CDKL4: variants seen among roughly 807,000 people sequenced by gnomAD.
CDKL4 encodes the protein cyclin dependent kinase like 4.
A neutral mutation model predicts 42.0 loss-of-function variants in CDKL4; 44 were observed. The ratio of observed to expected loss-of-function variants is 1.05; its 90% CI spans 0.82 to 1.35. CDKL4 has a LOEUF of 1.35. Among genes scored for constraint, CDKL4 ranks in the 40% most tolerant of loss-of-function variants. The pLI is 0.00. For synonymous variants in CDKL4, 120 were observed against 121.6 expected, an observed-to-expected ratio of 0.99 and a Z score of 0.09; for missense variants, 393 against 369.9, an observed-to-expected ratio of 1.06 and a Z score of -0.51.
rs190794244 is a variant in CDKL4, at chr2:39,216,867, T to A, written c.291-3395A>T. On this transcript the variant is annotated intron_variant, in intron 3 of 9. Transcript: ENST00000451199. Reference sequence around the variant, plus strand: ...TTCATAGGAAAGTAATTTCATAGGATGTTAAAGATGACTTTAACATGAAAG... The same window carrying A: ...TTCATAGGAAAGTAATTTCATAGGAAGTTAAAGATGACTTTAACATGAAAG... Among the ~76,000 whole-genome samples, 3 of 152,312 alleles carry A rather than the reference T, an allele frequency of 2.0e-5. No individual in the cohort carries two copies. The East Asian group carries it at 5.8e-4, about 29-fold the overall frequency.
chr2:39,191,693 G>A (rs1189979748), intron 5 of CDKL4, among the ~76,000 whole-genome samples: 1 of 152,212 alleles, frequency 6.6e-6, no homozygotes, highest in African/African-American at 2.4e-5. Flanking sequence ...TGTGATATGT[G>A]ATAGACAGAT....
intron 5 of CDKL4, among the ~76,000 whole-genome samples, chr2:39,191,544 C>T (rs1051378463): frequency 6.6e-6 from 1 of 152,170 alleles, no homozygotes; most frequent in African/African-American, 2.4e-5. Context: ...TTCAGCCACT[C>T]AGATTGTGGT....
the CDKL4 span, among the ~76,000 whole-genome samples, chr2:39,169,074 CA>C: frequency 6.6e-6 from 1 of 152,044 alleles, no homozygotes; most frequent in Non-Finnish European, 1.5e-5. Context: ...GCTTTTGAAA[CA>C]AAAATGTACA....
intron 3 of CDKL4, among the ~76,000 whole-genome samples, chr2:39,222,020 C>T (rs1380886692): frequency 6.6e-6 from 1 of 152,170 alleles, no homozygotes; most frequent in East Asian, 1.9e-4. Flanking sequence ...TAACTGTATC[C>T]TCTGCACCAG....
chr2:39,233,896 AT>A (rs1679219496), intron 1 of CDKL4, among the ~76,000 whole-genome samples: 1 of 143,768 alleles, frequency 7.0e-6, no homozygotes, highest in Non-Finnish European at 1.5e-5. Context: ...ATATATATAT[AT>A]AAATTTTATT....
At chr2:39,219,567 C>A (rs1326520553) in intron 3 of CDKL4, among the ~76,000 whole-genome samples, 1 of 151,950 alleles carries the variant, frequency 6.6e-6, no homozygotes, top group Non-Finnish European at 1.5e-5. Context: ...ACTACAGGTG[C>A]CTGCCACCAC....
chr2:39,232,365 G>C (rs1011472470), intron 1 of CDKL4, among the ~76,000 whole-genome samples: 3 of 152,148 alleles, frequency 2.0e-5, no homozygotes, highest in Admixed American at 1.3e-4. Flanking sequence ...AGCTTACTAG[G>C]ATTATAACAG....
chr2:39,177,507 C>T (rs1675214997), intron 9 of CDKL4, among the ~76,000 whole-genome samples: 2 of 150,604 alleles, frequency 1.3e-5, no homozygotes, highest in African/African-American at 2.4e-5. Flanking sequence ...AGGGTTTAAG[C>T]GATTCTCCTG....
chr2:39,216,368 G>A (rs970490535), intron 3 of CDKL4, among the ~76,000 whole-genome samples: 3 of 152,092 alleles, frequency 2.0e-5, no homozygotes, highest in Non-Finnish European at 4.4e-5. Flanking sequence ...AGGCCAGGGT[G>A]GCTGAAACTT....
At chr2:39,173,097 C>T (rs1022502554), downstream of CDKL4, among the ~76,000 whole-genome samples, 6 of 152,108 alleles carry the variant, frequency 3.9e-5, no homozygotes, top group Admixed American at 3.3e-4. Context: ...TTATTTGAAA[C>T]ATAATTACAA....
chr2:39,207,475 T>G (rs994229235), intron 4 of CDKL4, among the ~76,000 whole-genome samples: 1 of 152,188 alleles, frequency 6.6e-6, no homozygotes, highest in African/African-American at 2.4e-5. Context: ...AGACTAACAC[T>G]CTGAGTCAGT....
chr2:39,189,111 A>C (rs372995813), intron 6 of CDKL4, among the ~76,000 whole-genome samples: 8 of 152,198 alleles, frequency 5.3e-5, no homozygotes, highest in African/African-American at 1.9e-4. Context: ...CACATTTTTC[A>C]TGCTGCAGAA....
intron 9 of CDKL4, chr2:39,178,705 C>T: frequency 6.2e-7 from 1 of 1,609,332 alleles, no homozygotes; most frequent in Non-Finnish European, 8.5e-7. Context: ...TTCCTTTGTA[C>T]CTGGCAGATC....
At chr2:39,242,961 G>T (rs1241061728) in intron 1 of CDKL4, among the ~76,000 whole-genome samples, 1 of 151,632 alleles carries the variant, frequency 6.6e-6, no homozygotes, top group Non-Finnish European at 1.5e-5. Flanking sequence ...GTTGCTGGGC[G>T]TGGTGTCCTG....
intron 6 of CDKL4, 113 bp downstream of exon 6, chr2:39,190,192 G>C: frequency 1.4e-6 from 1 of 725,518 alleles, no homozygotes. Flanking sequence ...GTGACACTTT[G>C]AAGAAGCAAT....
chr2:39,190,433 T>C lies in CDKL4; in HGVS notation c.524A>G (p.Asp175Gly), dbSNP rs748987869. The C allele has an allele frequency of 6.2e-7, 1 of 1,613,380 alleles. No individual in the cohort carries two copies. Among genetic ancestry groups the C allele is most frequent in the Non-Finnish European group, 8.5e-7 (1 of 1,179,916 alleles). ...ATCGACTGAAGAACCATACTGAGTA[T>C]CTCCCACAAGAAGTTCAGGAGCTCG... is the stretch of plus-strand genomic sequence containing the variant. The change falls in exon 6 of 10, where the codon GAT becomes GGT. Residue 175 changes from aspartate (D) to glycine (G), a missense_variant. Asp to Gly is a moderately conservative substitution (Grantham distance 94). Transcript: ENST00000451199.
At chr2:39,239,853 G>T (rs893596170) in intron 1 of CDKL4, among the ~76,000 whole-genome samples, 2 of 152,152 alleles carry the variant, frequency 1.3e-5, no homozygotes, top group African/African-American at 4.8e-5. Flanking sequence ...ACTTTGGGAG[G>T]CTGAGGCAGG....
chr2:39,210,325 T>G (rs940806202), intron 4 of CDKL4, among the ~76,000 whole-genome samples: 3 of 152,124 alleles, frequency 2.0e-5, no homozygotes, highest in Non-Finnish European at 4.4e-5. Flanking sequence ...AGGCCACATA[T>G]TATCAGTCAG....
intron 1 of CDKL4, among the ~76,000 whole-genome samples, chr2:39,242,696 G>T (rs1039292307): frequency 6.6e-6 from 1 of 152,028 alleles, no homozygotes; most frequent in Non-Finnish European, 1.5e-5. Context: ...TACAATGAAA[G>T]AAGGAAAACA....
Sources: allele counts gnomAD v4.1 joint callset (sites outside exome capture counted in the v4.1 genomes callset), GRCh38; gene constraint gnomAD v4.1.1; transcripts MANE v1.5; gene names NCBI Gene and HGNC (gene_info 2026-07-23, HGNC 2026-07-21).